EMP2: variants seen among roughly 807,000 people sequenced by gnomAD.
The protein encoded by EMP2 is epithelial membrane protein 2.
A neutral mutation model predicts 13.7 loss-of-function variants in EMP2; 19 were observed. The ratio of observed to expected loss-of-function variants is 1.38; its 90% CI spans 0.97 to 2.03. The LOEUF (loss-of-function observed/expected upper bound fraction) is 2.03, where lower values mean the gene tolerates loss of function less well. Among genes scored for constraint, EMP2 ranks in the 30% most tolerant of loss-of-function variants. The probability of loss-of-function intolerance (pLI) is 0.00; values close to 1 mark genes in which losing one functional copy is unlikely to be tolerated. For synonymous variants in EMP2, 97 were observed against 84.7 expected (o/e 1.15, Z -0.80); for missense variants, 253 against 220.7 (o/e 1.15, Z -0.93).
chr16:10,576,347 AT>A (rs2050983989), intron 1 of EMP2, among the ~76,000 whole-genome samples: 1 of 152,124 alleles, frequency 6.6e-6, no homozygotes, highest in African/African-American at 2.4e-5. Flanking sequence ...AATTCATTGC[AT>A]TTTGAGGAAA....
At position 10,571,800 on chromosome 16, in the gene EMP2, G is replaced by A. The variant is rs139681646; in HGVS notation, c.-61+8749C>T. ...GGGGATGGATTCCAGAAGGACTGAA[G>A]GTTTGCATGAAGAGACAGAGGACTG... On this transcript the variant is annotated intron_variant, in intron 1 of 4. Coordinates refer to ENST00000359543, the MANE Select transcript of EMP2 (RefSeq NM_001424.6). Among the ~76,000 whole-genome samples the A allele has an allele frequency of 1.4e-4, 22 of 152,338 alleles. No individual in the cohort carries two copies. The East Asian group carries it at 3.5e-3, about 24-fold the overall frequency.
intron 2 of EMP2, chr16:10,544,874 G>A (rs1017200731): frequency 6.6e-6 from 1 of 152,230 alleles, no homozygotes; most frequent in Non-Finnish European, 1.5e-5. Context: ...GACAGAGAGA[G>A]ACCCTGTCAC....
intron 1 of EMP2, among the ~76,000 whole-genome samples, chr16:10,553,211 T>G (rs924689275): frequency 2.6e-5 from 4 of 152,160 alleles, no homozygotes. Flanking sequence ...AAGTCTCCCT[T>G]CTGCGCCACT....
intron 1 of EMP2, among the ~76,000 whole-genome samples, chr16:10,579,957 G>A (rs545051190): frequency 1.6e-4 from 24 of 152,188 alleles, no homozygotes; most frequent in Admixed American, 3.3e-4. Context: ...CATGGGTGCG[G>A]TCTCGCCTCT....
chr16:10,552,287 G>A (rs1402389389), intron 1 of EMP2, among the ~76,000 whole-genome samples: 2 of 152,000 alleles, frequency 1.3e-5, no homozygotes, highest in Non-Finnish European at 2.9e-5. Context: ...GTCCAGCTGG[G>A]ATGACACAAA....
At position 10,531,519 on chromosome 16, in the gene EMP2, C is replaced by T. The variant is rs12924690; in HGVS notation, c.*1386G>A. 10,679 of 150,406 alleles carry T rather than the reference C, an allele frequency of 0.071. 468 individuals carry two copies. The highest frequency in any genetic ancestry group is 0.11 in the South Asian group (541 of 4,754). 9.3% of individuals were successfully genotyped at this position (150,406 alleles called of 1,614,324 possible). A position where few individuals can be genotyped will look rare whatever the true frequency, so the allele number is the denominator to read the frequency against. ...CTCATTTTTGTATTTTTAGTAGAGA[C>T]AGGTTTTACCATTTTGGCCAGGCTG... On this transcript the variant is annotated 3_prime_UTR_variant, in exon 5 of 5. Transcript: ENST00000359543.
At chr16:10,541,107 A>G (rs2142175347) in intron 3 of EMP2, among the ~76,000 whole-genome samples, 1 of 152,052 alleles carries the variant, frequency 6.6e-6, no homozygotes, top group South Asian at 2.1e-4. Flanking sequence ...AAAAAAAAAG[A>G]AAATAGATTT....
chr16:10,549,515 G>T (rs1442660689), intron 1 of EMP2, among the ~76,000 whole-genome samples: 1 of 152,206 alleles, frequency 6.6e-6, no homozygotes, highest in Non-Finnish European at 1.5e-5. Flanking sequence ...CACATCAAAT[G>T]ATCTGGTTGG....
At chr16:10,556,723 G>A (rs897087901) in intron 1 of EMP2, among the ~76,000 whole-genome samples, 5 of 152,216 alleles carry the variant, frequency 3.3e-5, no homozygotes, top group Non-Finnish European at 7.3e-5. Context: ...GGCAGAGCAA[G>A]GTATCTTTAT....
chr16:10,538,298 A>G (rs1451546986), intron 3 of EMP2, among the ~76,000 whole-genome samples: 1 of 152,168 alleles, frequency 6.6e-6, no homozygotes, highest in African/African-American at 2.4e-5. Flanking sequence ...TCGACCCCTT[A>G]TCTGGAAGAC....
intron 1 of EMP2, among the ~76,000 whole-genome samples, chr16:10,576,324 TGC>T (rs1391504882): frequency 9.2e-5 from 14 of 152,182 alleles, no homozygotes; most frequent in Non-Finnish European, 2.1e-4. Context: ...ATTTATTCAC[TGC>T]AAATTTCTTA....
At position 10,564,082 on chromosome 16, in the gene EMP2, C is replaced by T. The variant is rs146023301; in HGVS notation, c.-60-16405G>A. ...CAGTATGCCTGGAGGTAGTTCACCA[C>T]TTTTAAGTATATGCAAATTAGGGAG... On this transcript the variant is annotated intron_variant, in intron 1 of 4. Transcript: ENST00000359543. Among the ~76,000 whole-genome samples, 820 of 152,334 alleles carry T rather than the reference C, an allele frequency of 5.4e-3. 8 individuals carry two copies. Among genetic ancestry groups the T allele is most frequent in the Non-Finnish European group, 6.9e-3 (471 of 68,040 alleles).
At chr16:10,566,780 T>C (rs1419409253) in intron 1 of EMP2, among the ~76,000 whole-genome samples, 6 of 152,130 alleles carry the variant, frequency 3.9e-5, no homozygotes, top group African/African-American at 1.4e-4. Flanking sequence ...ACACAGAGCA[T>C]GCGAGGCTCT....
At chr16:10,550,770 T>C (rs1023539696) in intron 1 of EMP2, among the ~76,000 whole-genome samples, 1 of 151,994 alleles carries the variant, frequency 6.6e-6, no homozygotes, top group Non-Finnish European at 1.5e-5. Context: ...AGGTCTGGAG[T>C]TCGAGACCAG....
chr16:10,554,532 A>G (rs1303431202), intron 1 of EMP2, among the ~76,000 whole-genome samples: 1 of 152,162 alleles, frequency 6.6e-6, no homozygotes, highest in Admixed American at 6.5e-5. Flanking sequence ...TGATGATACG[A>G]AAGAACAAAC....
chr16:10,575,290 G>A (rs554732974), intron 1 of EMP2, among the ~76,000 whole-genome samples: 5 of 91,318 alleles, frequency 5.5e-5, no homozygotes, highest in Non-Finnish European at 8.6e-5. Flanking sequence ...GTCTCGCTCC[G>A]TCGCCCAGGC....
At chr16:10,542,985 A>T (rs552099204) in intron 3 of EMP2, among the ~76,000 whole-genome samples, 1 of 152,362 alleles carries the variant, frequency 6.6e-6, no homozygotes, top group South Asian at 2.1e-4. Context: ...GGCTGGGATT[A>T]CAGGCGTGCA....
chr16:10,575,957 G>T (rs531944993), intron 1 of EMP2, among the ~76,000 whole-genome samples: 1 of 152,184 alleles, frequency 6.6e-6, no homozygotes, highest in Admixed American at 6.5e-5. Flanking sequence ...TTTCCAAAAA[G>T]TGTGACACGT....
intron 1 of EMP2, among the ~76,000 whole-genome samples, chr16:10,552,636 G>A (rs938643290): frequency 1.3e-5 from 2 of 152,114 alleles, no homozygotes; most frequent in Non-Finnish European, 2.9e-5. Flanking sequence ...TATTTTTAAC[G>A]TTCTTTCTTT....
Sources: gnomAD v4.1 joint callset for allele counts (sites outside exome capture counted in the v4.1 genomes callset) on GRCh38, gnomAD v4.1.1 for gene constraint, MANE v1.5 for transcripts, NCBI Gene and HGNC (gene_info 2026-07-23, HGNC 2026-07-21) for gene names.